HTR3A: variants seen among roughly 807,000 people sequenced by gnomAD.
HTR3A encodes 5-hydroxytryptamine receptor 3A.
In HTR3A, 45 loss-of-function variants were observed where a neutral mutation model predicts 54.8. The ratio of observed to expected loss-of-function variants is 0.82; its 90% confidence interval spans 0.65 to 1.05. HTR3A has a LOEUF of 1.05. Among genes scored for constraint, HTR3A ranks in the 50% least tolerant of loss-of-function variants. The probability of loss-of-function intolerance (pLI) is 0.00; values close to 1 mark genes in which losing one functional copy is unlikely to be tolerated. For missense variants in HTR3A, 657 were observed against 614.0 expected (o/e 1.07, Z -0.74); for synonymous variants, 297 against 256.0 (o/e 1.16, Z -1.53).
intron 5 of HTR3A, among the ~76,000 whole-genome samples, chr11:113,984,459 T>C (rs992162118): frequency 6.6e-6 from 1 of 151,254 alleles, no homozygotes; most frequent in Non-Finnish European, 1.5e-5. Flanking sequence ...AAATAAAAAG[T>C]AAAAAAAACT....
In HTR3A at chr11:113,975,178, G is replaced by A; in HGVS notation, c.-148G>A. ...CTCCCCAACCTTGGTGGCCCAGGGA[G>A]TGTGAGGCTGCAGCCTCAGAAGGTG... On this transcript the variant is annotated 5_prime_UTR_variant, in exon 1 of 9. It adds an upstream start codon to the 5' untranslated region. Transcript: ENST00000504030. The A allele has an allele frequency of 2.7e-6, 2 of 749,920 alleles. No individual in the cohort carries two copies. The highest frequency in any genetic ancestry group is 4.7e-6 in the Non-Finnish European group (2 of 427,648). The allele number at this position is 749,920 out of a possible 1,614,324, so 46.5% of individuals were successfully genotyped here. A position where few individuals can be genotyped will look rare whatever the true frequency, so the allele number is the denominator to read the frequency against.
chr11:113,975,412 C>A lies in HTR3A; in HGVS notation c.67+20C>A. 6.2e-7 allele frequency: 1 copy of A among 1,603,498 alleles called. No individual in the cohort carries two copies. The highest frequency in any genetic ancestry group is 8.5e-7 in the Non-Finnish European group (1 of 1,175,082). ...GAGAAGGTAAGCAGACTTCGGGAAG[C>A]AGCAGGACTTGGCTGACCATCTGCT... On this transcript the variant is annotated intron_variant, in intron 1 of 8. Transcript: ENST00000504030.
At chr11:113,981,877 G>GA (rs1443707496) in intron 4 of HTR3A, among the ~76,000 whole-genome samples, 1 of 151,594 alleles carries the variant, frequency 6.6e-6, no homozygotes, top group Non-Finnish European at 1.5e-5. Flanking sequence ...AGAATTGCTT[G>GA]AACCTGGGAG....
At chr11:113,985,908 C>A in intron 5 of HTR3A, 107 bp from the exon 6 acceptor site, 1 of 1,195,376 alleles carries the variant, frequency 8.4e-7, no homozygotes, top group Non-Finnish European at 1.2e-6. Flanking sequence ...GTTGGGCCAT[C>A]GGATATCAGC....
Position 113,989,901 on chromosome 11 carries a change from T to G in HTR3A, c.*138T>G, listed in dbSNP as rs1264125840. 20 of 979,202 alleles carry G rather than the reference T, an allele frequency of 2.0e-5. No homozygotes were observed. Among genetic ancestry groups the G allele is most frequent in the Non-Finnish European group, 3.0e-5 (19 of 631,626 alleles). 60.7% of individuals were successfully genotyped at this position (979,202 alleles called of 1,614,324 possible). On this transcript the variant is annotated 3_prime_UTR_variant, in exon 9 of 9. Transcript: ENST00000504030. This position sits in a 1 kb window ranked among gnomAD's most constrained non-coding sequence, Gnocchi z 4.4. ...ACAAAGTCCCGTGCCCTGTTTCCAA[T>G]GCCAATTCATCTCAGCAATCACAAG... is the stretch of plus-strand genomic sequence containing the variant.
At chr11:113,988,141 G>T (rs151160372) in intron 8 of HTR3A, among the ~76,000 whole-genome samples, 2 of 152,198 alleles carry the variant, frequency 1.3e-5, no homozygotes, top group Non-Finnish European at 2.9e-5. Context: ...CCTGACTAGG[G>T]CCAGGCCCTT....
Position 113,981,382 on chromosome 11 carries a change from C to T in HTR3A, c.374+70C>T, listed in dbSNP as rs1321060606. The T allele has an allele frequency of 5.5e-6, 5 of 910,930 alleles. No individual in the cohort carries two copies. In the South Asian group the frequency reaches 6.7e-5, roughly 12 times the overall value. The allele number at this position is 910,930 out of a possible 1,614,324, so 56.4% of individuals were successfully genotyped here. On this transcript the variant is annotated intron_variant, in intron 4 of 8. Coordinates refer to ENST00000504030, the MANE Select transcript of HTR3A (RefSeq NM_000869.6). ...CTGGAGAAGCCCGGGGACAGAGAGA[C>T]AAGATTGTCACTGTTGCATTTGAGA...
intron 8 of HTR3A, among the ~76,000 whole-genome samples, chr11:113,987,276 C>T (rs542234778): frequency 6.6e-6 from 1 of 152,302 alleles, no homozygotes; most frequent in African/African-American, 2.4e-5. Flanking sequence ...GGGTATGAAT[C>T]CCAGAGGCTG....
At chr11:113,987,702 C>T (rs1360165855) in intron 8 of HTR3A, among the ~76,000 whole-genome samples, 4 of 152,146 alleles carry the variant, frequency 2.6e-5, no homozygotes, top group Non-Finnish European at 5.9e-5. Context: ...CACTGCATCC[C>T]ACCTGGAGAT....
chr11:113,987,162 A>G (rs960030977), intron 8 of HTR3A, 116 bp downstream of exon 8: 10 of 1,113,044 alleles, frequency 9.0e-6, no homozygotes, highest in Admixed American at 5.8e-5. Context: ...ATGGCATCCC[A>G]TGCCCTGCCT....
chr11:113,979,283 C>T lies in HTR3A; in HGVS notation c.264+6C>T, dbSNP rs769529062. On this transcript the variant is annotated splice_donor_region_variant and intron_variant, in intron 3 of 8. Transcript: ENST00000504030. The stretch of plus-strand genomic sequence containing the variant: ...CCTACATCTGGTACCGGCAGGTGAG[C>T]AGACCCGCCCCTCCCTGCCCCCGTT... 1.2e-6 allele frequency: 2 copies of T among 1,607,270 alleles called. No homozygotes were observed. The highest frequency in any genetic ancestry group is 8.5e-7 in the Non-Finnish European group (1 of 1,176,248).
chr11:113,989,764 G>C lies in HTR3A; in HGVS notation c.*1G>C. The stretch of plus-strand genomic sequence containing the variant: ...CTGGTCCATCTGGCAGTACGCTTGA[G>C]TGGGTACAGCCCAGTGGAGGAGGGG... On this transcript the variant is annotated 3_prime_UTR_variant, in exon 9 of 9. Coordinates refer to ENST00000504030, the MANE Select transcript of HTR3A (RefSeq NM_000869.6). This position sits in a 1 kb window ranked among gnomAD's most constrained non-coding sequence, Gnocchi z 4.4. 6.2e-7 allele frequency: 1 copy of C among 1,609,016 alleles called. No homozygotes were observed. The highest frequency in any genetic ancestry group is 1.1e-5 in the South Asian group (1 of 91,088).
intron 4 of HTR3A, 89 bp from the exon 5 acceptor site, chr11:113,983,031 A>T: frequency 6.7e-7 from 1 of 1,498,746 alleles, no homozygotes; most frequent in Non-Finnish European, 9.3e-7. Context: ...CCCGAACTTC[A>T]CTCCCTACCC....
rs145483837 is a variant in HTR3A at position 113,986,739 on chromosome 11, T to C, written c.916+11T>C. On this transcript the variant is annotated intron_variant, in intron 7 of 8. Coordinates refer to ENST00000504030, the MANE Select transcript of HTR3A (RefSeq NM_000869.6). ...GCACTCCTCTCATTGGTAAGGCCCCTCCTGGCAGCAGAGCTCAGTCTGGTG... is the reference window on the plus strand; with the variant it reads ...GCACTCCTCTCATTGGTAAGGCCCCCCCTGGCAGCAGAGCTCAGTCTGGTG... 2.5e-6 allele frequency: 4 copies of C among 1,614,052 alleles called. No individual in the cohort carries two copies. The African/African-American group carries it at 5.3e-5, about 22-fold the overall frequency.
chr11:113,989,993 G>A lies in HTR3A; in HGVS notation c.*230G>A. On this transcript the variant is annotated 3_prime_UTR_variant, in exon 9 of 9. Coordinates refer to ENST00000504030, the MANE Select transcript of HTR3A (RefSeq NM_000869.6). This position sits in a 1 kb window ranked among gnomAD's most constrained non-coding sequence, Gnocchi z 4.4. ...CCCTTACACCCTTGTCCCACCCCCA[G>A]CAGCTCACCATGGCTTTAAAACATG... is the stretch of plus-strand genomic sequence containing the variant. 1.5e-6 allele frequency: 1 copy of A among 681,992 alleles called. No individual in the cohort carries two copies. Among genetic ancestry groups the A allele is most frequent in the Non-Finnish European group, 2.7e-6 (1 of 374,266 alleles). 42.2% of individuals were successfully genotyped at this position (681,992 alleles called of 1,614,324 possible). A position where few individuals can be genotyped will look rare whatever the true frequency, so the allele number is the denominator to read the frequency against.
At chr11:113,977,401 C>T (rs1950363714) in intron 1 of HTR3A, 3 of 672,306 alleles carry the variant, frequency 4.5e-6, no homozygotes, top group Non-Finnish European at 7.6e-6. Context: ...AGTATCATAC[C>T]CTGAGAGCCA....
At chr11:113,978,295 G>A (rs1338643588) in intron 2 of HTR3A, among the ~76,000 whole-genome samples, 1 of 152,164 alleles carries the variant, frequency 6.6e-6, no homozygotes, top group African/African-American at 2.4e-5. Context: ...GTCACTAAAT[G>A]ATTGTTGAAG....
rs933953849 is a variant in HTR3A, at chr11:113,986,119, T to C, written c.649T>C (p.Tyr217His). The change falls in exon 6 of 9, where the codon TAC becomes CAC. Residue 217 changes from tyrosine (Y) to histidine (H), a missense_variant. By Grantham distance (83) the Tyr-to-His change is moderately conservative (BLOSUM62 2). Coordinates refer to ENST00000504030, the MANE Select transcript of HTR3A (RefSeq NM_000869.6). ...GTGGGAGTTGCTGGGGGTGCTGCCC[T>C]ACTTTCGGGAGTTCAGCATGGAAAG... Reference protein sequence around the residue: ...GEWELLGVLPYFREFSMESSN... With the variant: ...GEWELLGVLPHFREFSMESSN... 2 of 1,614,208 alleles carry C rather than the reference T, an allele frequency of 1.2e-6. No homozygotes were observed. The highest frequency in any genetic ancestry group is 1.7e-5 in the Admixed American group (1 of 60,016).
At chr11:113,980,951 C>G in intron 3 of HTR3A, 4 of 511,354 alleles carry the variant, frequency 7.8e-6, no homozygotes, top group Non-Finnish European at 1.4e-5. Context: ...TCACAGCATT[C>G]GAAATGACTG....
Sources: gnomAD v4.1 joint callset for allele counts (sites outside exome capture counted in the v4.1 genomes callset) on GRCh38, gnomAD v4.1.1 for gene constraint, Gnocchi (gnomAD v3.1) non-coding constraint, MANE v1.5 for transcripts, NCBI Gene and HGNC (gene_info 2026-07-23, HGNC 2026-07-21) for gene names.